Variants in SDK1 observed in about 807,000 individuals in gnomAD.
SDK1 encodes the protein sidekick cell adhesion molecule 1.
SDK1 carries 157 observed loss-of-function variants against 245.5 expected under a neutral mutation model. The observed-to-expected ratio is 0.64, with a 90% confidence interval of 0.56 to 0.73. The LOEUF (loss-of-function observed/expected upper bound fraction) is 0.73. SDK1 is among the 30% of genes least tolerant of loss of function. SDK1 has a pLI of 0.00. For synonymous variants in SDK1, 1,647 were observed against 1,278.5 expected (o/e 1.29, Z -6.15); for missense variants, 3,583 against 3,002.3 (o/e 1.19, Z -4.52).
At chr7:3,451,249 C>A (rs931559435) in intron 1 of SDK1, among the ~76,000 whole-genome samples, 3 of 151,516 alleles carry the variant, frequency 2.0e-5, no homozygotes, top group African/African-American at 4.8e-5. Context: ...TTGTGAAGTT[C>A]CAAGAGACAA....
intron 1 of SDK1, among the ~76,000 whole-genome samples, chr7:3,499,407 T>A (rs1389604282): frequency 6.6e-6 from 1 of 152,190 alleles, no homozygotes; most frequent in Non-Finnish European, 1.5e-5. Flanking sequence ...AGAAAAGTAT[T>A]AAAAATGTGT....
At chr7:4,066,255 G>A (rs1410162949) in intron 19 of SDK1, among the ~76,000 whole-genome samples, 1 of 151,780 alleles carries the variant, frequency 6.6e-6, no homozygotes, top group African/African-American at 2.4e-5. Flanking sequence ...TAGGCATGGG[G>A]GCATTGTCAG....
chr7:3,441,493 A>G (rs1004594373), intron 1 of SDK1, among the ~76,000 whole-genome samples: 42 of 152,240 alleles, frequency 2.8e-4, no homozygotes, highest in African/African-American at 9.9e-4. Flanking sequence ...TGAATTGCCT[A>G]TTCACTTTCT....
chr7:3,405,497 C>T (rs1461693073), intron 1 of SDK1, among the ~76,000 whole-genome samples: 1 of 152,182 alleles, frequency 6.6e-6, no homozygotes, highest in African/African-American at 2.4e-5. Context: ...GATCTCTGTG[C>T]TCTCTCTAGC....
At chr7:4,142,405 C>T (rs900819293) in intron 28 of SDK1, among the ~76,000 whole-genome samples, 27 of 151,668 alleles carry the variant, frequency 1.8e-4, no homozygotes, top group Non-Finnish European at 3.1e-4. Flanking sequence ...CTCGGCTCAC[C>T]GCAGCCTCCG....
intron 35 of SDK1, among the ~76,000 whole-genome samples, chr7:4,204,061 C>T (rs1053785158): frequency 6.6e-6 from 1 of 152,216 alleles, no homozygotes; most frequent in African/African-American, 2.4e-5. Context: ...GTCGTGGGCG[C>T]GCTGAGTTGG....
chr7:3,754,662 T>C (rs755185816), intron 4 of SDK1, among the ~76,000 whole-genome samples: 4 of 140,332 alleles, frequency 2.9e-5, no homozygotes, highest in Non-Finnish European at 6.1e-5. Flanking sequence ...CAGCATGACG[T>C]GGTTTCTAAG....
intron 1 of SDK1, among the ~76,000 whole-genome samples, chr7:3,309,423 C>T (rs1270071764): frequency 6.7e-6 from 1 of 148,656 alleles, no homozygotes; most frequent in Non-Finnish European, 1.5e-5. Context: ...GCTTAGGTAA[C>T]ATGTACAATT....
At chr7:3,845,813 A>C (rs10479833) in intron 5 of SDK1, among the ~76,000 whole-genome samples, 44,033 of 151,944 alleles carry the variant, frequency 0.29, 7,404 homozygotes, top group African/African-American at 0.46. Flanking sequence ...AGTAAAATAA[A>C]ATTTGAGTGA....
chr7:3,823,610 AC>A (rs1779699584), intron 5 of SDK1, among the ~76,000 whole-genome samples: 1 of 152,208 alleles, frequency 6.6e-6, no homozygotes, highest in African/African-American at 2.4e-5. Flanking sequence ...TTCTACCCTG[AC>A]CGAAAAGTAT....
chr7:4,049,094 G>T (rs932394205), intron 17 of SDK1, among the ~76,000 whole-genome samples: 12 of 152,190 alleles, frequency 7.9e-5, no homozygotes, highest in African/African-American at 2.9e-4. Context: ...GCCCATCTGT[G>T]GAATGAGAGG....
intron 1 of SDK1, among the ~76,000 whole-genome samples, chr7:3,572,747 C>A (rs1221083177): frequency 6.6e-6 from 1 of 152,014 alleles, no homozygotes; most frequent in Non-Finnish European, 1.5e-5. Flanking sequence ...CCAGTCATTG[C>A]CTTCACAGGA....
chr7:3,427,466 C>G (rs1445781445), intron 1 of SDK1, among the ~76,000 whole-genome samples: 1 of 148,260 alleles, frequency 6.7e-6, no homozygotes, highest in African/African-American at 2.5e-5. Flanking sequence ...TTGCAGTGAG[C>G]TGAGATTGTG....
intron 5 of SDK1, among the ~76,000 whole-genome samples, chr7:3,856,443 C>T (rs1226749497): frequency 6.9e-6 from 1 of 144,570 alleles, no homozygotes; most frequent in Admixed American, 7.0e-5. Context: ...AGACTAACTT[C>T]AACCCAACTC....
chr7:3,857,370 A>G (rs886464989), intron 5 of SDK1, among the ~76,000 whole-genome samples: 1 of 152,292 alleles, frequency 6.6e-6, no homozygotes, highest in East Asian at 1.9e-4. Flanking sequence ...ATTTCAGGCA[A>G]TATGATTACT....
Position 4,010,971 on chromosome 7 carries a change from C to T in SDK1, c.2137C>T (p.Pro713Ser). The change falls in exon 15 of 45, where the codon CCA becomes TCA. Residue 713 changes from proline to serine, a missense_variant. Physicochemically the swap from Pro to Ser is moderately conservative, Grantham distance 74 (BLOSUM62 -1). Transcript: ENST00000404826. Reference protein sequence around the residue: ...YIVELSENNSPWKVHLSNVGP... With the variant: ...YIVELSENNSSWKVHLSNVGP... ...CGTTTTCTTCATTCTTTCAGACTCTCCATGGAAGGTGCATCTGTCAAACGT... is the reference window on the plus strand; with the variant it reads ...CGTTTTCTTCATTCTTTCAGACTCTTCATGGAAGGTGCATCTGTCAAACGT... 3 of 1,614,196 alleles carry T rather than the reference C, an allele frequency of 1.9e-6. No homozygotes were observed. The highest frequency in any genetic ancestry group is 2.5e-6 in the Non-Finnish European group (3 of 1,180,004).
chr7:4,130,419 G>A (rs1395956926), intron 27 of SDK1: 10 of 347,058 alleles, frequency 2.9e-5, no homozygotes, highest in Non-Finnish European at 5.2e-5. Flanking sequence ...CTCTTGGCAG[G>A]GGCTCCACAC....
At chr7:3,980,324 T>C (rs115611940) in intron 13 of SDK1, among the ~76,000 whole-genome samples, 13 of 152,216 alleles carry the variant, frequency 8.5e-5, no homozygotes, top group African/African-American at 3.1e-4. Flanking sequence ...ATTTCTGATA[T>C]TCCTGAGGTG....
At position 3,890,883 on chromosome 7, in the gene SDK1, A is replaced by G. The variant is rs899887664; in HGVS notation, c.848-60040A>G. On this transcript the variant is annotated intron_variant, in intron 5 of 44. Transcript: ENST00000404826. ...CTTGAACCCAGGAGGGGGAGGTTGC[A>G]GTGAGCCGAAAGCACTCCAGCCTGG... 1.5e-4 allele frequency among the ~76,000 whole-genome samples: 23 copies of G among 152,314 alleles called. 1 individual carries two copies. The highest frequency in any genetic ancestry group is 2.6e-4 in the Admixed American group (4 of 15,304).
Sources: gnomAD v4.1 joint callset for allele counts (sites outside exome capture counted in the v4.1 genomes callset) on GRCh38, gnomAD v4.1.1 for gene constraint, MANE v1.5 for transcripts, NCBI Gene and HGNC (gene_info 2026-07-23, HGNC 2026-07-21) for gene names.